The following STUM variants were observed in gnomAD, a reference collection of about 807,000 sequenced individuals.
The protein encoded by STUM is protein stum homolog.
In STUM, 8 loss-of-function variants were observed where a neutral mutation model predicts 15.3. The ratio of observed to expected loss-of-function variants is 0.52; its 90% confidence interval spans 0.31 to 0.94. The LOEUF (loss-of-function observed/expected upper bound fraction) is 0.94, where lower values mean the gene tolerates loss of function less well. Among genes scored for constraint, STUM ranks in the 40% least tolerant of loss-of-function variants. The pLI, the probability that STUM is intolerant of heterozygous loss-of-function variation, is 0.05. For missense variants in STUM, 142 were observed against 204.9 expected (o/e 0.69, Z 1.87); for synonymous variants, 78 against 88.7 (o/e 0.88, Z 0.68).
At chr1:226,560,074 G>A (rs1477086699) in intron 1 of STUM, among the ~76,000 whole-genome samples, 1 of 152,200 alleles carries the variant, frequency 6.6e-6, no homozygotes, top group African/African-American at 2.4e-5. Flanking sequence ...GGGAGGTGGA[G>A]GTTGCAGTGA....
chr1:226,560,636 G>A (rs1351830563), intron 1 of STUM, among the ~76,000 whole-genome samples: 1 of 152,148 alleles, frequency 6.6e-6, no homozygotes, highest in African/African-American at 2.4e-5. Context: ...TTGTGGCCCT[G>A]GTTGGAGATG....
In STUM at chr1:226,602,300, C is replaced by T. The variant is rs41314284; in HGVS notation, c.*260C>T. 38,587 of 504,914 alleles carry T rather than the reference C, an allele frequency of 0.076. 1,826 individuals are homozygous for T. Among genetic ancestry groups the T allele is most frequent in the Middle Eastern group, 0.14 (253 of 1,836 alleles). The allele number at this position is 504,914 out of a possible 1,614,324, so 31.3% of individuals were successfully genotyped here. A position where few individuals can be genotyped will look rare whatever the true frequency, so the allele number is the denominator to read the frequency against. On this transcript the variant is annotated 3_prime_UTR_variant, in exon 4 of 4. Coordinates refer to ENST00000366788, the MANE Select transcript of STUM (RefSeq NM_001003665.4). ...TCAGAGAGTGGGGTGGAGATGAGAA[C>T]GCCCACAGAGAGGCTGGGATGCTCC...
intron 1 of STUM, among the ~76,000 whole-genome samples, chr1:226,568,849 G>C (rs1486591052): frequency 1.3e-5 from 2 of 152,226 alleles, no homozygotes; most frequent in African/African-American, 4.8e-5. Flanking sequence ...CAGGAATGAG[G>C]GTGGCCTCTC....
intron 1 of STUM, among the ~76,000 whole-genome samples, chr1:226,572,700 C>T (rs1667737867): frequency 6.6e-6 from 1 of 152,190 alleles, no homozygotes; most frequent in Non-Finnish European, 1.5e-5. Flanking sequence ...GGAAAGTGCC[C>T]CAACCTCTGG....
At chr1:226,601,206 A>C (rs924567470) in intron 3 of STUM, among the ~76,000 whole-genome samples, 1 of 151,766 alleles carries the variant, frequency 6.6e-6, no homozygotes, top group African/African-American at 2.4e-5. Context: ...GGCTCACTGC[A>C]ACCTCCGCCT....
intron 1 of STUM, among the ~76,000 whole-genome samples, chr1:226,581,936 T>TA (rs1158586262): frequency 6.6e-6 from 1 of 152,204 alleles, no homozygotes; most frequent in Non-Finnish European, 1.5e-5. Context: ...CTGCTGCAGT[T>TA]TATCTGAGAT....
intron 1 of STUM, among the ~76,000 whole-genome samples, chr1:226,596,417 T>C (rs1571813416): frequency 6.6e-6 from 1 of 152,226 alleles, no homozygotes; most frequent in South Asian, 2.1e-4. Flanking sequence ...TCAGAACTCT[T>C]TGGCTCTTGG....
intron 2 of STUM, chr1:226,597,491 C>A: frequency 4.2e-6 from 2 of 472,180 alleles, no homozygotes; most frequent in South Asian, 3.1e-5. Flanking sequence ...GTACCCCATG[C>A]CCCTCATTGT....
intron 1 of STUM, among the ~76,000 whole-genome samples, chr1:226,587,585 G>A (rs1027775724): frequency 7.2e-5 from 11 of 152,130 alleles, no homozygotes; most frequent in African/African-American, 2.4e-4. Context: ...AGAACCCTTA[G>A]CATTTACCCG....
At chr1:226,563,861 T>C (rs1448264359) in intron 1 of STUM, among the ~76,000 whole-genome samples, 1 of 152,238 alleles carries the variant, frequency 6.6e-6, no homozygotes, top group East Asian at 1.9e-4. Context: ...GGAATTGCCC[T>C]GTGGCCTGAC....
chr1:226,594,220 T>TG (rs1039839648), intron 1 of STUM, among the ~76,000 whole-genome samples: 1 of 151,632 alleles, frequency 6.6e-6, no homozygotes, highest in African/African-American at 2.4e-5. Flanking sequence ...GCCAGCGAGT[T>TG]GGGCAGGGAA....
chr1:226,550,553 G>A (rs1456133234), intron 1 of STUM, among the ~76,000 whole-genome samples: 2 of 151,852 alleles, frequency 1.3e-5, no homozygotes, highest in Admixed American at 6.6e-5. Context: ...TCCCTCTGGC[G>A]GATATGAAGA....
chr1:226,602,090 C>A lies in STUM; in HGVS notation c.*50C>A. 2.0e-6 allele frequency: 3 copies of A among 1,510,796 alleles called. No individual in the cohort carries two copies. The highest frequency in any genetic ancestry group is 9.1e-7 in the Non-Finnish European group (1 of 1,099,366). The allele number at this position is 1,510,796 out of a possible 1,614,324, so 93.6% of individuals were successfully genotyped here. On this transcript the variant is annotated 3_prime_UTR_variant, in exon 4 of 4. Transcript: ENST00000366788. ...CCAGGGGGGCCCTGTGAGGGCTGCA[C>A]CAGGCAGCTTTGGGCACAAGGACCT...
intron 1 of STUM, among the ~76,000 whole-genome samples, chr1:226,555,699 C>A (rs1667435814): frequency 6.6e-6 from 1 of 152,192 alleles, no homozygotes; most frequent in African/African-American, 2.4e-5. Context: ...AAGATGGCAA[C>A]CAGAGTGCTA....
In STUM at chr1:226,571,277, T is replaced by A. The variant is rs191400506; in HGVS notation, c.202+22171T>A. Among the ~76,000 whole-genome samples, 72 of 151,938 alleles carry A rather than the reference T, an allele frequency of 4.7e-4. 1 individual carries two copies. The East Asian group carries it at 0.014, about 29-fold the overall frequency. On this transcript the variant is annotated intron_variant, in intron 1 of 3. Transcript: ENST00000366788. ...ACAAAACAAAAACTATAGAAAAAAA[T>A]TTGCATATAGAAACACTGTGCTTCT...
At chr1:226,587,516 C>T (rs568310386) in intron 1 of STUM, among the ~76,000 whole-genome samples, 1 of 152,150 alleles carries the variant, frequency 6.6e-6, no homozygotes, top group African/African-American at 2.4e-5. Context: ...CCTGAAGACT[C>T]GCACCCCACC....
intron 1 of STUM, among the ~76,000 whole-genome samples, chr1:226,555,289 T>C (rs1449644959): frequency 6.6e-6 from 1 of 152,156 alleles, no homozygotes; most frequent in Non-Finnish European, 1.5e-5. Flanking sequence ...CCAGTTTAGA[T>C]CCCCAGCTCA....
intron 1 of STUM, among the ~76,000 whole-genome samples, chr1:226,566,753 A>G (rs184762884): frequency 7.9e-5 from 12 of 152,330 alleles, no homozygotes; most frequent in Non-Finnish European, 1.5e-4. Flanking sequence ...AACACATCTT[A>G]TATTTGCTGG....
chr1:226,561,118 G>C (rs1236778817), intron 1 of STUM, among the ~76,000 whole-genome samples: 1 of 152,096 alleles, frequency 6.6e-6, no homozygotes, highest in Non-Finnish European at 1.5e-5. Flanking sequence ...TCCTCAGAAT[G>C]GTCAGGTCAT....
Sources: allele counts gnomAD v4.1 joint callset (sites outside exome capture counted in the v4.1 genomes callset), GRCh38; gene constraint gnomAD v4.1.1; transcripts MANE v1.5; gene names NCBI Gene and HGNC (gene_info 2026-07-23, HGNC 2026-07-21).